The following MPPED2 variants were observed in gnomAD, a reference collection of about 807,000 sequenced individuals.
MPPED2 encodes metallophosphoesterase domain containing 2.
A neutral mutation model predicts 33.0 loss-of-function variants in MPPED2; 5 were observed. That is an observed-to-expected ratio of 0.15 (90% CI 0.08 to 0.32). MPPED2 has a LOEUF of 0.32. Ranked by LOEUF, MPPED2 falls within the 10% of genes least tolerant of loss-of-function variation. The pLI, the probability that MPPED2 is intolerant of heterozygous loss-of-function variation, is 1.00. For synonymous variants in MPPED2, 136 were observed against 141.9 expected, an observed-to-expected ratio of 0.96 and a Z score of 0.29; for missense variants, 275 against 372.1, an observed-to-expected ratio of 0.74 and a Z score of 2.15.
intron 2 of MPPED2, among the ~76,000 whole-genome samples, chr11:30,537,261 G>A (rs969387986): frequency 5.3e-5 from 8 of 152,062 alleles, no homozygotes; most frequent in East Asian, 3.9e-4. Context: ...ACTTATTTTC[G>A]GATTATAGGT....
At chr11:30,543,736 A>G (rs1016344578) in intron 2 of MPPED2, among the ~76,000 whole-genome samples, 3 of 152,160 alleles carry the variant, frequency 2.0e-5, no homozygotes, top group Admixed American at 2.0e-4. Context: ...TATAACAAAA[A>G]AACAAAAATG....
chr11:30,477,081 C>T (rs1001410402), intron 4 of MPPED2, among the ~76,000 whole-genome samples: 2 of 152,054 alleles, frequency 1.3e-5, no homozygotes, highest in African/African-American at 4.8e-5. Context: ...ATCCCATAAC[C>T]TCATTCTTAT....
intron 2 of MPPED2, among the ~76,000 whole-genome samples, chr11:30,564,225 T>G (rs1287022743): frequency 6.6e-6 from 1 of 152,162 alleles, no homozygotes; most frequent in East Asian, 1.9e-4. Flanking sequence ...TGACTTTGTC[T>G]GCCCTCAGCT....
intron 4 of MPPED2, among the ~76,000 whole-genome samples, chr11:30,493,534 A>G (rs982124688): frequency 1.3e-5 from 2 of 152,184 alleles, no homozygotes; most frequent in East Asian, 3.9e-4. Context: ...TAAGTGAGTA[A>G]AGGTGAGTTC....
chr11:30,498,984 GTGGTGTCACATAAGTAGATACTCA>G (rs1952429089), intron 3 of MPPED2, among the ~76,000 whole-genome samples: 1 of 152,152 alleles, frequency 6.6e-6, no homozygotes, highest in African/African-American at 2.4e-5. Flanking sequence ...TCTGCACTTA[GTGGTGTCACATAAGTAGATACTCA>G]TGAACTGAAA....
intron 2 of MPPED2, among the ~76,000 whole-genome samples, chr11:30,561,436 G>T (rs766635558): frequency 1.3e-5 from 2 of 152,118 alleles, no homozygotes; most frequent in Non-Finnish European, 2.9e-5. Context: ...TGCCATCTCT[G>T]AACTTCCCAG....
chr11:30,421,939 A>G (rs1255006625), intron 4 of MPPED2, among the ~76,000 whole-genome samples: 1 of 152,174 alleles, frequency 6.6e-6, no homozygotes, highest in African/African-American at 2.4e-5. Flanking sequence ...TCTTTCCACA[A>G]GACAGTGGCA....
chr11:30,488,098 T>C (rs1465825325), intron 4 of MPPED2, among the ~76,000 whole-genome samples: 1 of 152,214 alleles, frequency 6.6e-6, no homozygotes, highest in Non-Finnish European at 1.5e-5. Flanking sequence ...TTTGGGCAAG[T>C]CACTTTCTCT....
At chr11:30,440,576 A>G (rs1393779314) in intron 4 of MPPED2, among the ~76,000 whole-genome samples, 8 of 152,206 alleles carry the variant, frequency 5.3e-5, no homozygotes. Context: ...GGTAATAGCC[A>G]TTTTACAGAG....
intron 4 of MPPED2, among the ~76,000 whole-genome samples, chr11:30,452,246 T>C (rs754472188): frequency 6.6e-6 from 1 of 152,172 alleles, no homozygotes; most frequent in Non-Finnish European, 1.5e-5. Context: ...CCTTTCCCCT[T>C]TCACCTCAGT....
chr11:30,536,214 A>T, intron 2 of MPPED2, 39 bp from the exon 3 acceptor site: 1 of 1,463,910 alleles, frequency 6.8e-7, no homozygotes, highest in Non-Finnish European at 9.1e-7. Flanking sequence ...AGTTAAACAT[A>T]TTAGAACCCT....
At chr11:30,428,078 G>A (rs533784470) in intron 4 of MPPED2, among the ~76,000 whole-genome samples, 4 of 152,118 alleles carry the variant, frequency 2.6e-5, no homozygotes, top group African/African-American at 7.2e-5. Context: ...GCTGACATAC[G>A]GCCTGCCTTC....
intron 3 of MPPED2, among the ~76,000 whole-genome samples, chr11:30,512,936 TTG>T (rs1222961332): frequency 1.3e-5 from 2 of 151,822 alleles, no homozygotes; most frequent in African/African-American, 4.8e-5. Context: ...GGGGGCAGAG[TTG>T]CGCTGACCCA....
At chr11:30,393,265 A>G (rs1463009927) in intron 6 of MPPED2, among the ~76,000 whole-genome samples, 1 of 151,562 alleles carries the variant, frequency 6.6e-6, no homozygotes, top group African/African-American at 2.4e-5. Context: ...CTCTCACTAC[A>G]TCCTGGATAC....
At chr11:30,474,953 A>G (rs2134083635) in intron 4 of MPPED2, among the ~76,000 whole-genome samples, 1 of 152,318 alleles carries the variant, frequency 6.6e-6, no homozygotes, top group Non-Finnish European at 1.5e-5. Context: ...GACAGATTAG[A>G]GAATGTTGCT....
chr11:30,486,485 T>G (rs1951746991), intron 4 of MPPED2, among the ~76,000 whole-genome samples: 1 of 152,192 alleles, frequency 6.6e-6, no homozygotes, highest in Non-Finnish European at 1.5e-5. Flanking sequence ...CTGGTCTAGC[T>G]TCCGACCAAT....
intron 3 of MPPED2, among the ~76,000 whole-genome samples, chr11:30,522,306 T>C (rs1484026977): frequency 6.6e-6 from 1 of 152,158 alleles, no homozygotes; most frequent in Non-Finnish European, 1.5e-5. Flanking sequence ...AATATCCATG[T>C]TCTTAGGAAA....
chr11:30,536,443 C>A (rs1954814413), intron 2 of MPPED2, among the ~76,000 whole-genome samples: 1 of 152,102 alleles, frequency 6.6e-6, no homozygotes, highest in African/African-American at 2.4e-5. Flanking sequence ...CTGAAATAAC[C>A]CAGGAAACTG....
At chr11:30,579,045 C>T (rs192151892) in intron 2 of MPPED2, among the ~76,000 whole-genome samples, 19 of 140,990 alleles carry the variant, frequency 1.3e-4, no homozygotes, top group East Asian at 8.8e-4. Flanking sequence ...TGCTTTAAAA[C>T]GGCTGCTTTG....
Sources: gnomAD v4.1 joint callset for allele counts (sites outside exome capture counted in the v4.1 genomes callset) on GRCh38, gnomAD v4.1.1 for gene constraint, MANE v1.5 for transcripts, NCBI Gene and HGNC (gene_info 2026-07-23, HGNC 2026-07-21) for gene names.